The following SPECC1 variants were observed in gnomAD, a reference collection of about 807,000 sequenced individuals.
SPECC1 encodes sperm antigen with calponin homology and coiled-coil domains 1, also known as cytospin-B.
Under a neutral mutation model 104.1 loss-of-function variants are expected in SPECC1, and 62 were observed. The ratio of observed to expected loss-of-function variants is 0.60; its 90% CI spans 0.49 to 0.74. The LOEUF is 0.74. Ranked by LOEUF, SPECC1 falls within the 30% of genes least tolerant of loss-of-function variation. The pLI is 0.00. For missense variants in SPECC1, 1,306 were observed against 1,310.5 expected, an observed-to-expected ratio of 1.00 and a Z score of 0.05; for synonymous variants, 513 against 501.6, an observed-to-expected ratio of 1.02 and a Z score of -0.30.
intron 13 of SPECC1, among the ~76,000 whole-genome samples, chr17:20,297,619 T>C (rs1327338044): frequency 6.6e-6 from 1 of 152,172 alleles, no homozygotes; most frequent in African/African-American, 2.4e-5. Flanking sequence ...GTCACAACTG[T>C]TCAACTCTAC....
chr17:20,303,710 C>T (rs981685604), intron 13 of SPECC1, among the ~76,000 whole-genome samples: 19 of 151,840 alleles, frequency 1.3e-4, no homozygotes, highest in African/African-American at 1.9e-4. Context: ...CCCAGCAGTT[C>T]GGAAGACTTT....
At chr17:20,139,603 T>C (rs1180290515) in intron 3 of SPECC1, among the ~76,000 whole-genome samples, 1 of 152,182 alleles carries the variant, frequency 6.6e-6, no homozygotes. Flanking sequence ...CATTCTAGTG[T>C]TATCTTTATT....
chr17:20,052,374 A>G (rs1379462517), intron 1 of SPECC1, among the ~76,000 whole-genome samples: 1 of 152,208 alleles, frequency 6.6e-6, no homozygotes, highest in East Asian at 1.9e-4. Flanking sequence ...TTTGTATTGA[A>G]CATTGTATTA....
At chr17:20,309,172 A>G (rs1457916819) in intron 14 of SPECC1, among the ~76,000 whole-genome samples, 1 of 152,184 alleles carries the variant, frequency 6.6e-6, no homozygotes, top group African/African-American at 2.4e-5. Context: ...AATTTCCTAC[A>G]TTCTTAAATT....
intron 12 of SPECC1, among the ~76,000 whole-genome samples, chr17:20,286,111 T>C (rs536042566): frequency 2.3e-4 from 35 of 152,166 alleles, no homozygotes; most frequent in Non-Finnish European, 4.7e-4. Flanking sequence ...ATGACCTCCT[T>C]TTTAATTGAG....
intron 1 of SPECC1, among the ~76,000 whole-genome samples, chr17:20,022,569 A>G (rs921618150): frequency 3.3e-5 from 5 of 152,256 alleles, no homozygotes; most frequent in Non-Finnish European, 7.3e-5. Flanking sequence ...TCTGTTGACA[A>G]CATTTAGTAA....
At chr17:20,036,169 C>G (rs1446231914) in intron 1 of SPECC1, among the ~76,000 whole-genome samples, 1 of 151,906 alleles carries the variant, frequency 6.6e-6, no homozygotes, top group Non-Finnish European at 1.5e-5. Flanking sequence ...GAGTCTCACT[C>G]TGTCACCAGG....
chr17:20,077,436 A>G (rs1352472923), intron 1 of SPECC1, among the ~76,000 whole-genome samples: 8 of 151,940 alleles, frequency 5.3e-5, no homozygotes, highest in Admixed American at 5.2e-4. Context: ...TCGCACTGTG[A>G]TAGCTTTTGT....
At chr17:20,063,145 G>T (rs1266588391) in intron 1 of SPECC1, among the ~76,000 whole-genome samples, 1 of 152,146 alleles carries the variant, frequency 6.6e-6, no homozygotes, top group Non-Finnish European at 1.5e-5. Context: ...ATGTTAGTCT[G>T]CAAGATGGGT....
intron 3 of SPECC1, among the ~76,000 whole-genome samples, chr17:20,173,663 G>A (rs1403568529): frequency 1.3e-5 from 2 of 152,202 alleles, no homozygotes; most frequent in Non-Finnish European, 2.9e-5. Flanking sequence ...CCTCAACCGT[G>A]GTGAAATGTT....
At chr17:20,068,281 A>G (rs182999528) in intron 1 of SPECC1, among the ~76,000 whole-genome samples, 214 of 152,302 alleles carry the variant, frequency 1.4e-3, no homozygotes, top group African/African-American at 4.9e-3. Context: ...CTTTTGTTCA[A>G]CATAAGGTTT....
At chr17:20,048,358 C>G (rs2045618713) in intron 1 of SPECC1, among the ~76,000 whole-genome samples, 1 of 152,082 alleles carries the variant, frequency 6.6e-6, no homozygotes, top group Non-Finnish European at 1.5e-5. Context: ...TGGTCTCAAT[C>G]TCCTGACCTC....
intron 4 of SPECC1, among the ~76,000 whole-genome samples, chr17:20,223,843 T>C (rs1191355032): frequency 1.3e-5 from 2 of 152,202 alleles, no homozygotes; most frequent in African/African-American, 2.4e-5. Flanking sequence ...TGGTGTCTTA[T>C]TTACTTCATT....
intron 3 of SPECC1, among the ~76,000 whole-genome samples, chr17:20,175,085 C>T (rs1165340405): frequency 2.0e-5 from 3 of 152,228 alleles, no homozygotes; most frequent in South Asian, 2.1e-4. Context: ...TCAGTTTTGG[C>T]GGGAGAGCCC....
chr17:20,111,521 T>G (rs748171540), intron 3 of SPECC1, among the ~76,000 whole-genome samples: 1 of 152,150 alleles, frequency 6.6e-6, no homozygotes, highest in Non-Finnish European at 1.5e-5. Flanking sequence ...TAAAATACAA[T>G]AAACAAAAGT....
chr17:20,126,119 G>A (rs1597770527), intron 3 of SPECC1, among the ~76,000 whole-genome samples: 1 of 152,072 alleles, frequency 6.6e-6, no homozygotes, highest in East Asian at 1.9e-4. Context: ...CCAGGTCCTG[G>A]CTGTCTCTCC....
chr17:20,251,908 G>A (rs771124544), intron 9 of SPECC1, among the ~76,000 whole-genome samples: 2 of 152,162 alleles, frequency 1.3e-5, no homozygotes, highest in Non-Finnish European at 2.9e-5. Flanking sequence ...AGTCTCACAG[G>A]TGGGTGGTGC....
At chr17:20,143,355 C>T (rs968372328) in intron 3 of SPECC1, among the ~76,000 whole-genome samples, 1 of 149,226 alleles carries the variant, frequency 6.7e-6, no homozygotes, top group African/African-American at 2.5e-5. Flanking sequence ...TACTGCACGC[C>T]AGCCTGGGTA....
Position 20,317,146 on chromosome 17 carries a change from G to C in SPECC1, c.*3081G>C, listed in dbSNP as rs1490124612. 3 of 181,242 alleles carry C rather than the reference G, an allele frequency of 1.7e-5. No individual in the cohort carries two copies. In the East Asian group the frequency reaches 2.8e-4, roughly 17 times the overall value. 11.2% of individuals were successfully genotyped at this position (181,242 alleles called of 1,614,324 possible). A position where few individuals can be genotyped will look rare whatever the true frequency, so the allele number is the denominator to read the frequency against. ...AATACACATGGTGGTCAGGCATGGT[G>C]GCTCATGCCTATAATCCCAGCACTT... On this transcript the variant is annotated 3_prime_UTR_variant, in exon 15 of 15. Transcript: ENST00000395527.
Sources: allele counts gnomAD v4.1 joint callset (sites outside exome capture counted in the v4.1 genomes callset), GRCh38; gene constraint gnomAD v4.1.1; transcripts MANE v1.5; gene names NCBI Gene and HGNC (gene_info 2026-07-23, HGNC 2026-07-21).